The following MIA2 variants were observed in gnomAD, a reference collection of about 807,000 sequenced individuals.
The protein encoded by MIA2 is MIA SH3 domain ER export factor 2.
A neutral mutation model predicts 167.8 loss-of-function variants in MIA2; 127 were observed. The observed-to-expected ratio is 0.76, with a 90% CI of 0.66 to 0.88. MIA2 has a LOEUF of 0.88. Ranked by LOEUF, MIA2 falls within the 40% of genes least tolerant of loss-of-function variation. The pLI is 0.00. For missense variants in MIA2, 1,690 were observed against 1,624.7 expected (o/e 1.04, Z -0.69); for synonymous variants, 552 against 541.9 (o/e 1.02, Z -0.26).
chr14:39,350,825 C>G (rs907849821), downstream of MIA2: 1 of 151,682 alleles, frequency 6.6e-6, no homozygotes, highest in Non-Finnish European at 1.5e-5. Context: ...CATGAGTGGC[C>G]CAAAGCAACA....
intron 23 of MIA2, among the ~76,000 whole-genome samples, chr14:39,356,652 A>G (rs548685804): frequency 6.6e-6 from 1 of 152,196 alleles, no homozygotes; most frequent in East Asian, 1.9e-4. Flanking sequence ...TAGGGTGTCA[A>G]TTTTAGAACT....
downstream of MIA2, among the ~76,000 whole-genome samples, chr14:39,355,398 A>C (rs376900497): frequency 8.9e-4 from 135 of 152,218 alleles, 3 homozygotes; most frequent in South Asian, 0.01. Flanking sequence ...TTGCACATTG[A>C]TTTTGTATCC....
intron 23 of MIA2, among the ~76,000 whole-genome samples, chr14:39,356,532 G>C (rs2074530889): frequency 6.6e-6 from 1 of 152,068 alleles, no homozygotes; most frequent in Middle Eastern, 3.4e-3. Context: ...TTTTTTGAAG[G>C]GTTTTTTGTG....
At chr14:39,288,459 A>ATTTTTTTTTTTT (rs1566747774) in intron 9 of MIA2, among the ~76,000 whole-genome samples, 6 of 17,282 alleles carry the variant, frequency 3.5e-4, no homozygotes, top group African/African-American at 7.0e-4. Flanking sequence ...ATATATATAT[A>ATTTTTTTTTTTT]TATATATATA....
chr14:39,320,821 A>G (rs2066283166), intron 23 of MIA2, 107 bp from the exon 24 acceptor site: 3 of 1,222,926 alleles, frequency 2.5e-6, no homozygotes, highest in Non-Finnish European at 2.3e-6. Flanking sequence ...GATTAAACTT[A>G]AATTGGCAAT....
chr14:39,313,347 A>T lies in MIA2; in HGVS notation c.3025A>T (p.Thr1009Ser), dbSNP rs2064703955. 11 of 1,562,380 alleles carry T rather than the reference A, an allele frequency of 7.0e-6. No homozygotes were observed. Among genetic ancestry groups the T allele is most frequent in the Non-Finnish European group, 8.7e-6 (10 of 1,143,638 alleles). ...ACATTTTTTGTTTTTAAGGAAATTA[A>T]CAGTAGAGGAAAATTATCGGTTAGA... ...ENEMKLHRKL[T>S]VEENYRLEKE... The change falls in exon 19 of 29, where the codon ACA becomes TCA. Residue 1009 changes from threonine to serine, a missense_variant. Physicochemically the swap from Thr to Ser is moderately conservative, Grantham distance 58 (BLOSUM62 1). Coordinates refer to ENST00000640607, the MANE Select transcript of MIA2 (RefSeq NM_001329214.4).
chr14:39,308,559 T>C lies in MIA2; in HGVS notation c.2989T>C (p.Tyr997His), dbSNP rs1443111527. The change falls in exon 18 of 29, where the codon TAT becomes CAT. Residue 997 changes from tyrosine to histidine, a missense_variant. Coordinates refer to ENST00000640607, the MANE Select transcript of MIA2 (RefSeq NM_001329214.4). ...GAAACTTAAAGTAATGACTGAATTA[T>C]ATCAAGAAAATGAAATGAAACTCCA... Reference protein sequence around the residue: ...QQKLKVMTELYQENEMKLHRK... With the variant: ...QQKLKVMTELHQENEMKLHRK... 1.9e-6 allele frequency: 3 copies of C among 1,562,820 alleles called. No individual in the cohort carries two copies. The highest frequency in any genetic ancestry group is 2.0e-5 in the Admixed American group (1 of 49,446).
intron 23 of MIA2, among the ~76,000 whole-genome samples, chr14:39,362,271 T>C (rs992737495): frequency 4.6e-5 from 7 of 152,172 alleles, no homozygotes; most frequent in African/African-American, 1.4e-4. Flanking sequence ...TTGGTGTTAA[T>C]TCTTTATAAG....
intron 24 of MIA2, among the ~76,000 whole-genome samples, chr14:39,325,206 AGAGT>A (rs2067238928): frequency 6.6e-6 from 1 of 151,988 alleles, no homozygotes; most frequent in African/African-American, 2.4e-5. Flanking sequence ...TCTGGGTAAC[AGAGT>A]GAGTGAGACC....
intron 23 of MIA2, among the ~76,000 whole-genome samples, chr14:39,356,979 G>A (rs1252725388): frequency 6.6e-6 from 1 of 152,164 alleles, no homozygotes; most frequent in Non-Finnish European, 1.5e-5. Context: ...CAACTATGTG[G>A]TCGGTTTTGG....
intron 1 of MIA2, 113 bp from the exon 2 acceptor site, chr14:39,236,808 TA>T: frequency 9.9e-7 from 1 of 1,012,438 alleles, no homozygotes; most frequent in South Asian, 1.7e-5. Context: ...ATAAATGATA[TA>T]AAGAAATTAG....
intron 25 of MIA2, among the ~76,000 whole-genome samples, chr14:39,333,041 GTTT>G (rs1228606208): frequency 2.6e-5 from 4 of 151,946 alleles, no homozygotes; most frequent in Non-Finnish European, 5.9e-5. Context: ...TATCTGCTGA[GTTT>G]TTTATCTTTT....
At position 39,288,461 on chromosome 14, in the gene MIA2, A is replaced by ATTTTTT. The variant is rs1225086664; in HGVS notation, c.2131-2557_2131-2556insTTTTTT. 1.5e-4 allele frequency among the ~76,000 whole-genome samples: 3 copies of ATTTTTT among 19,892 alleles called. 1 individual carries two copies. Among genetic ancestry groups the ATTTTTT allele is most frequent in the African/African-American group, 2.7e-4 (2 of 7,488 alleles). 13.0% of individuals were successfully genotyped at this position (19,892 alleles called of 152,430 possible). A position where few individuals can be genotyped will look rare whatever the true frequency, so the allele number is the denominator to read the frequency against. On this transcript the variant is annotated intron_variant, in intron 9 of 28. Coordinates refer to ENST00000640607, the MANE Select transcript of MIA2 (RefSeq NM_001329214.4). ...TATATATATATATATATATATATAT[A>ATTTTTT]TATATATATATATATTTTTTTTTTT...
At chr14:39,357,798 T>A (rs1335775278) in intron 23 of MIA2, among the ~76,000 whole-genome samples, 4 of 152,210 alleles carry the variant, frequency 2.6e-5, no homozygotes, top group Admixed American at 6.5e-5. Context: ...ATTTTATTTC[T>A]CCTTCACTTA....
chr14:39,283,887 T>C (rs1480267802), intron 9 of MIA2, among the ~76,000 whole-genome samples: 1 of 152,216 alleles, frequency 6.6e-6, no homozygotes, highest in East Asian at 1.9e-4. Context: ...ATGAGGTCTT[T>C]TAAAATATTG....
At chr14:39,253,270 G>A in intron 6 of MIA2, 99 bp downstream of exon 6, 3 of 1,453,432 alleles carry the variant, frequency 2.1e-6, no homozygotes, top group Non-Finnish European at 2.9e-6. Context: ...CCTGTTTAAT[G>A]TTTATATAAT....
chr14:39,301,039 TACACACACACAC>T (rs58641218), intron 14 of MIA2, among the ~76,000 whole-genome samples: 80,250 of 144,874 alleles, frequency 0.55, 23,208 homozygotes, highest in South Asian at 0.65. Flanking sequence ...TACATATACA[TACACACACACAC>T]ACACACACAC....
In MIA2 at chr14:39,252,785, C is replaced by A. The variant is rs149963978; in HGVS notation, c.1605C>A (p.His535Gln). ...VSNIELPTRI[H>Q]EEVYFEPSSS... is the part of the protein sequence containing the mutation. Reference sequence around the variant, plus strand: ...ACATAGAGTTACCTACGAGAATTCACGAAGAAGTATATTTTGAACCCTCAT... The same window carrying A: ...ACATAGAGTTACCTACGAGAATTCAAGAAGAAGTATATTTTGAACCCTCAT... Residue 535 changes from histidine to glutamine, a missense_variant, in exon 5 of 29, where the codon CAC becomes CAA. Transcript: ENST00000640607. 1.9e-6 allele frequency: 3 copies of A among 1,613,206 alleles called. No individual in the cohort carries two copies. The highest frequency in any genetic ancestry group is 1.3e-5 in the African/African-American group (1 of 74,872).
At chr14:39,353,714 C>T (rs1182982764), downstream of MIA2, among the ~76,000 whole-genome samples, 1 of 152,164 alleles carries the variant, frequency 6.6e-6, no homozygotes, top group African/African-American at 2.4e-5. Context: ...TCCCTCCCCT[C>T]TCCCCTGACC....
Sources: allele counts gnomAD v4.1 joint callset (sites outside exome capture counted in the v4.1 genomes callset), GRCh38; gene constraint gnomAD v4.1.1; transcripts MANE v1.5; gene names NCBI Gene and HGNC (gene_info 2026-07-23, HGNC 2026-07-21).